Variants in RAD52 observed in about 807,000 individuals in gnomAD.
The protein encoded by RAD52 is RAD52 DNA repair protein, also known as DNA repair protein RAD52 homolog.
A neutral mutation model predicts 55.5 loss-of-function variants in RAD52; 47 were observed. The observed-to-expected ratio is 0.85, with a 90% CI of 0.67 to 1.08. The LOEUF is 1.08. Ranked by LOEUF, RAD52 falls within the 50% of genes least tolerant of loss-of-function variation. RAD52 has a pLI of 0.00. For missense variants in RAD52, 468 were observed against 522.8 expected (o/e 0.90, Z 1.02); for synonymous variants, 184 against 198.9 (o/e 0.92, Z 0.63).
chr12:942,721 C>T (rs1957985934), intron 1 of RAD52, among the ~76,000 whole-genome samples: 1 of 150,988 alleles, frequency 6.6e-6, no homozygotes, highest in South Asian at 2.1e-4. Context: ...GCACTCCAGC[C>T]TGGACGACAG....
At chr12:978,865 C>T (rs1958970591) in intron 1 of RAD52, among the ~76,000 whole-genome samples, 1 of 149,044 alleles carries the variant, frequency 6.7e-6, no homozygotes, top group East Asian at 2.0e-4. Context: ...GAGACTCCGT[C>T]TCTTAAAAAA....
intron 1 of RAD52, among the ~76,000 whole-genome samples, chr12:969,115 A>C (rs1312804450): frequency 1.3e-5 from 2 of 152,084 alleles, no homozygotes; most frequent in Non-Finnish European, 2.9e-5. Flanking sequence ...ATATTACAAT[A>C]ATCTAGAGGT....
chr12:983,913 T>C (rs976540858), intron 1 of RAD52, among the ~76,000 whole-genome samples: 10 of 152,226 alleles, frequency 6.6e-5, no homozygotes, highest in Non-Finnish European at 1.2e-4. Flanking sequence ...CATATGAATT[T>C]TGGAGGAATA....
intron 1 of RAD52, among the ~76,000 whole-genome samples, chr12:942,520 G>A (rs1237812844): frequency 1.3e-5 from 2 of 152,120 alleles, no homozygotes; most frequent in East Asian, 1.9e-4. Context: ...AGACCGAGGC[G>A]GGTGGATCAC....
chr12:958,062 G>A (rs1470966649), intron 1 of RAD52, among the ~76,000 whole-genome samples: 1 of 152,196 alleles, frequency 6.6e-6, no homozygotes, highest in African/African-American at 2.4e-5. Flanking sequence ...AGGAGGTGCT[G>A]CTCCCAGCCC....
At chr12:971,941 G>A (rs942342166) in intron 1 of RAD52, among the ~76,000 whole-genome samples, 2 of 152,022 alleles carry the variant, frequency 1.3e-5, no homozygotes, top group Non-Finnish European at 2.9e-5. Flanking sequence ...GTAGAGACGG[G>A]GTTTCACCGT....
chr12:942,677 G>T (rs141814130), intron 1 of RAD52, among the ~76,000 whole-genome samples: 1,868 of 151,912 alleles, frequency 0.012, 37 homozygotes, highest in African/African-American at 0.043. Context: ...AACCTGGGAG[G>T]CAGAGGTTGC....
At chr12:942,640 G>A (rs1299276187) in intron 1 of RAD52, among the ~76,000 whole-genome samples, 3 of 151,908 alleles carry the variant, frequency 2.0e-5, no homozygotes. Flanking sequence ...CCAGCTACTC[G>A]GGAGGCTGGG....
At chr12:971,444 G>T (rs959962036) in intron 1 of RAD52, among the ~76,000 whole-genome samples, 9 of 152,262 alleles carry the variant, frequency 5.9e-5, no homozygotes, top group African/African-American at 2.2e-4. Context: ...AGGAAAATAA[G>T]CAGCAGTGTG....
At chr12:953,210 C>T (rs1461439564), upstream of RAD52, among the ~76,000 whole-genome samples, 1 of 151,100 alleles carries the variant, frequency 6.6e-6, no homozygotes, top group Non-Finnish European at 1.5e-5. Context: ...GAGGCTGAGG[C>T]AAGAGAATTG....
At chr12:966,172 G>A (rs368580015) in intron 1 of RAD52, among the ~76,000 whole-genome samples, 2 of 151,914 alleles carry the variant, frequency 1.3e-5, no homozygotes, top group East Asian at 3.9e-4. Context: ...TTGTTATGTT[G>A]TCCAGACTGG....
chr12:913,948 CT>C lies in RAD52; in HGVS notation c.1140del (p.Ala381GlnfsTer30), dbSNP rs764774963. The C allele has an allele frequency of 6.2e-7, 1 of 1,614,192 alleles. No homozygotes were observed. Among genetic ancestry groups the C allele is most frequent in the African/African-American group, 1.3e-5 (1 of 75,044 alleles). ...TGGAGGTCCCAAGATCCAGATTTTG[CT>C]TGTGGTTTCTGGTGGCAAACGCTGT... ...TPHSVCHQKPQAKSGSWDLQT... is the reference protein window; with the variant it reads ...TPHSVCHQKPXAKSGSWDLQT... On this transcript the variant is annotated frameshift_variant, in exon 11 of 12. Transcript: ENST00000358495. LOFTEE classifies it high-confidence loss of function.
intron 7 of RAD52, among the ~76,000 whole-genome samples, chr12:924,053 T>C (rs1463347240): frequency 1.6e-5 from 2 of 123,086 alleles, no homozygotes; most frequent in Admixed American, 8.5e-5. Flanking sequence ...AGTGAGACTA[T>C]CTCAAAAAAA....
rs754253334 is a variant in RAD52 at position 930,096 on chromosome 12, A to G, written c.235T>C (p.Phe79Leu). 15 of 1,613,936 alleles carry G rather than the reference A, an allele frequency of 9.3e-6. No individual in the cohort carries two copies. In the East Asian group the frequency reaches 3.3e-4, roughly 36 times the overall value. The change falls in exon 4 of 12, where the codon TTT becomes CTT. Residue 79 changes from phenylalanine (F) to leucine (L), a missense_variant. Phe to Leu is a conservative substitution (Grantham distance 22, BLOSUM62 0). Transcript: ENST00000358495. ...HRVINLANEM[F>L]GYNGWAHSIT... is the part of the protein sequence containing the mutation. ...GAGTGTGCCCAGCCATTGTAACCAA[A>G]CATCTCATTGGCCAGATTAATTACC...
chr12:965,488 C>G (rs1209652213), intron 1 of RAD52, among the ~76,000 whole-genome samples: 1 of 151,982 alleles, frequency 6.6e-6, no homozygotes. Flanking sequence ...CGCCAAATCT[C>G]ATCTGTCCTC....
intron 1 of RAD52, among the ~76,000 whole-genome samples, chr12:971,798 A>G (rs1385673672): frequency 2.6e-5 from 4 of 151,758 alleles, no homozygotes; most frequent in African/African-American, 9.7e-5. Flanking sequence ...CCCAGGCTGG[A>G]GTGCAGTGGC....
intron 1 of RAD52, among the ~76,000 whole-genome samples, chr12:987,156 A>G (rs1001886418): frequency 6.6e-6 from 1 of 151,840 alleles, no homozygotes; most frequent in Non-Finnish European, 1.5e-5. Context: ...TTTTTAGTAG[A>G]GACGAGGTTT....
chr12:971,401 G>A (rs75787308), intron 1 of RAD52, among the ~76,000 whole-genome samples: 462 of 151,958 alleles, frequency 3.0e-3, no homozygotes, highest in African/African-American at 9.6e-3. Flanking sequence ...ACTTAGAATC[G>A]TGAACTGGGG....
intron 7 of RAD52, among the ~76,000 whole-genome samples, chr12:924,041 A>G (rs1396509870): frequency 6.6e-6 from 1 of 150,582 alleles, no homozygotes; most frequent in African/African-American, 2.4e-5. Context: ...CCTGGGCGAC[A>G]GAGTGAGACT....
Sources: allele counts gnomAD v4.1 joint callset (sites outside exome capture counted in the v4.1 genomes callset), GRCh38; gene constraint gnomAD v4.1.1; transcripts MANE v1.5; gene names NCBI Gene and HGNC (gene_info 2026-07-23, HGNC 2026-07-21).